The following BTD variants were observed in gnomAD, a reference collection of about 807,000 sequenced individuals.
BTD encodes the protein biocytinase.
A neutral mutation model predicts 17.7 loss-of-function variants in BTD; 13 were observed. That is an observed-to-expected ratio of 0.74 (90% CI 0.48 to 1.17). The LOEUF (loss-of-function observed/expected upper bound fraction) is 1.17, where lower values mean the gene tolerates loss of function less well. Ranked by LOEUF, BTD falls within the 50% of genes most tolerant of loss-of-function variation. The pLI is 0.00. For synonymous variants in BTD, 240 were observed against 245.2 expected (o/e 0.98, Z 0.20); for missense variants, 674 against 650.4 (o/e 1.04, Z -0.39).
rs756326688 is a variant in BTD, at chr3:15,676,928, A to T, written c.400-33132A>T. The T allele has an allele frequency of 5.4e-6, 8 of 1,482,896 alleles. No homozygotes were observed. The East Asian group carries it at 1.6e-4, about 29-fold the overall frequency. The allele number at this position is 1,482,896 out of a possible 1,614,324, so 91.9% of individuals were successfully genotyped here. The stretch of plus-strand genomic sequence containing the variant: ...TTAAAAAAATCCATTTATCATTTTT[A>T]TAATTATAGGTCACAAAGTTTATAC... On this transcript the variant is annotated intron_variant, in intron 3 of 3. Transcript: ENST00000672141.
intron 1 of BTD, among the ~76,000 whole-genome samples, chr3:15,611,166 T>G (rs2064614872): frequency 6.6e-6 from 1 of 151,948 alleles, no homozygotes; most frequent in Admixed American, 6.6e-5. Flanking sequence ...TAGCTAGGAG[T>G]GGTCACGCGT....
intron 1 of BTD, among the ~76,000 whole-genome samples, chr3:15,621,526 G>T (rs939190804): frequency 6.6e-6 from 1 of 151,994 alleles, no homozygotes; most frequent in Non-Finnish European, 1.5e-5. Flanking sequence ...AATACATATA[G>T]GCCTCTTCAG....
At chr3:15,692,759 G>A (rs577299550) in intron 3 of BTD, among the ~76,000 whole-genome samples, 4 of 152,262 alleles carry the variant, frequency 2.6e-5, no homozygotes, top group African/African-American at 9.6e-5. Flanking sequence ...ATTTCATTAA[G>A]CCTAATCACT....
At chr3:15,703,727 A>T (rs1164536014) in intron 3 of BTD, among the ~76,000 whole-genome samples, 1 of 152,256 alleles carries the variant, frequency 6.6e-6, no homozygotes, top group Non-Finnish European at 1.5e-5. Flanking sequence ...GATGTTGCTG[A>T]AACAAATATC....
intron 3 of BTD, among the ~76,000 whole-genome samples, chr3:15,710,036 GTT>G (rs34686530): frequency 2.0e-5 from 3 of 146,364 alleles, no homozygotes; most frequent in African/African-American, 7.5e-5. Context: ...TTGCTTATAG[GTT>G]TTTTTTTTTT....
At chr3:15,709,207 A>G (rs942495698) in intron 3 of BTD, among the ~76,000 whole-genome samples, 9 of 152,208 alleles carry the variant, frequency 5.9e-5, no homozygotes, top group Non-Finnish European at 1.0e-4. Flanking sequence ...GAGGAGAAAG[A>G]AAAATTACAC....
intron 4 of BTD, among the ~76,000 whole-genome samples, chr3:15,721,545 T>C (rs1201258285): frequency 6.6e-6 from 1 of 152,172 alleles, no homozygotes; most frequent in African/African-American, 2.4e-5. Context: ...ATCTTTTTCA[T>C]TTTGCAGTGA....
At chr3:15,675,929 T>C (rs980627770) in intron 3 of BTD, 1 of 1,612,400 alleles carries the variant, frequency 6.2e-7, no homozygotes, top group African/African-American at 1.3e-5. Context: ...CACTTGCTCC[T>C]TTTCCCAAAA....
intron 3 of BTD, among the ~76,000 whole-genome samples, chr3:15,660,032 G>T (rs1368434498): frequency 6.6e-6 from 1 of 152,234 alleles, no homozygotes; most frequent in Non-Finnish European, 1.5e-5. Context: ...GCAAGAATAA[G>T]AAAAGCTAAC....
At chr3:15,601,546 C>G (rs751047280), upstream of BTD, 2 of 1,604,982 alleles carry the variant, frequency 1.2e-6, no homozygotes, top group South Asian at 2.2e-5. Context: ...ATCGGCAGCA[C>G]GCCACCTCTG....
rs139728251 is a variant in BTD at position 15,650,319 on chromosome 3, G to T, written c.*4831G>T. ...CAAAAATCTGAATAACAGCTGCACCGTTAAAAATGAAATTACCAATATATG... is the reference window on the plus strand; with the variant it reads ...CAAAAATCTGAATAACAGCTGCACCTTTAAAAATGAAATTACCAATATATG... On this transcript the variant is annotated 3_prime_UTR_variant, in exon 4 of 4. Coordinates refer to ENST00000643237, the MANE Select transcript of BTD (RefSeq NM_001370658.1). 6.6e-6 allele frequency among the ~76,000 whole-genome samples: 1 copy of T among 152,026 alleles called. No homozygotes were observed. Among genetic ancestry groups the T allele is most frequent in the Non-Finnish European group, 1.5e-5 (1 of 68,010 alleles).
chr3:15,712,255 T>C (rs1296128792), exon 4 of BTD: 10 of 1,494,924 alleles, frequency 6.7e-6, no homozygotes, highest in Non-Finnish European at 8.2e-6. Context: ...GTATCTTCAT[T>C]TTAACACAAG....
Position 15,650,207 on chromosome 3 carries a change from T to G in BTD, c.*4719T>G, listed in dbSNP as rs1490685609. On this transcript the variant is annotated 3_prime_UTR_variant, in exon 4 of 4. Coordinates refer to ENST00000643237, the MANE Select transcript of BTD (RefSeq NM_001370658.1). ...TAGTCACAAAGAATGTTTAGAATGT[T>G]TCTCAGACAGGCTGAGAAAAAACAC... 6.6e-6 allele frequency among the ~76,000 whole-genome samples: 1 copy of G among 152,242 alleles called. No individual in the cohort carries two copies. Among genetic ancestry groups the G allele is most frequent in the Non-Finnish European group, 1.5e-5 (1 of 68,040 alleles).
chr3:15,612,782 A>G (rs1690854313), intron 1 of BTD, among the ~76,000 whole-genome samples: 1 of 151,652 alleles, frequency 6.6e-6, no homozygotes, highest in African/African-American at 2.4e-5. Flanking sequence ...CCCATTTATT[A>G]TCTCAAAGTC....
intron 3 of BTD, among the ~76,000 whole-genome samples, chr3:15,674,062 C>T (rs2066653838): frequency 6.8e-6 from 1 of 146,082 alleles, no homozygotes; most frequent in Non-Finnish European, 1.5e-5. Context: ...GTGCTAGCTA[C>T]TTGGGAGGCT....
chr3:15,604,098 C>T (rs1391045282), intron 1 of BTD, among the ~76,000 whole-genome samples: 1 of 152,216 alleles, frequency 6.6e-6, no homozygotes, highest in African/African-American at 2.4e-5. Context: ...CCAGCAGTGC[C>T]CCAGGAGGGA....
At chr3:15,716,896 A>G (rs994801779), downstream of BTD, among the ~76,000 whole-genome samples, 5 of 152,146 alleles carry the variant, frequency 3.3e-5, no homozygotes, top group East Asian at 7.7e-4. Context: ...CAGGAGTTTG[A>G]GGCTGAAGTG....
At chr3:15,678,382 G>A in intron 3 of BTD, 1 of 1,575,140 alleles carries the variant, frequency 6.3e-7, no homozygotes, top group Non-Finnish European at 8.6e-7. Flanking sequence ...TGAAATATAT[G>A]ACTAAATTTG....
chr3:15,601,657 T>C (rs2064246979), upstream of BTD: 3 of 1,553,292 alleles, frequency 1.9e-6, no homozygotes, highest in Admixed American at 5.9e-5. Context: ...GGTGAGAATG[T>C]AAACACGCGC....
Sources: gnomAD v4.1 joint callset for allele counts (sites outside exome capture counted in the v4.1 genomes callset) on GRCh38, gnomAD v4.1.1 for gene constraint, MANE v1.5 for transcripts, NCBI Gene and HGNC (gene_info 2026-07-23, HGNC 2026-07-21) for gene names.